Variants in RPAP3 observed in about 807,000 individuals in gnomAD.
RPAP3 encodes RNA polymerase II-associated protein 3.
A neutral mutation model predicts 88.8 loss-of-function variants in RPAP3; 58 were observed. The observed-to-expected ratio is 0.65, with a 90% CI of 0.53 to 0.81. The LOEUF (loss-of-function observed/expected upper bound fraction) is 0.81, where lower values mean the gene tolerates loss of function less well. Ranked by LOEUF, RPAP3 falls within the 40% of genes least tolerant of loss-of-function variation. The pLI is 0.00. For missense variants in RPAP3, 751 were observed against 764.3 expected (o/e 0.98, Z 0.20); for synonymous variants, 255 against 259.9 (o/e 0.98, Z 0.18).
chr12:47,686,960 A>T (rs1358185699), intron 8 of RPAP3, 53 bp from the exon 9 acceptor site: 3 of 1,096,922 alleles, frequency 2.7e-6, no homozygotes, highest in African/African-American at 3.2e-5. Flanking sequence ...CAAAAAAAAT[A>T]AATGAATTCA....
Position 47,667,855 on chromosome 12 carries a change from GAA to G in RPAP3, c.1714-6_1714-5del. ...GATACAAAGATGGTTCAATTTGCTT[GAA>G]AAAAAAATAAAAAGACAATTACTTG... On this transcript the variant is annotated splice_region_variant and splice_polypyrimidine_tract_variant and intron_variant, in intron 14 of 16. Transcript: ENST00000005386. 2.0e-6 allele frequency: 3 copies of G among 1,517,898 alleles called. No individual in the cohort carries two copies. The highest frequency in any genetic ancestry group is 2.7e-6 in the Non-Finnish European group (3 of 1,113,232). The allele number at this position is 1,517,898 out of a possible 1,614,324, so 94.0% of individuals were successfully genotyped here. A position where few individuals can be genotyped will look rare whatever the true frequency, so the allele number is the denominator to read the frequency against.
intron 6 of RPAP3, 141 bp from the exon 7 acceptor site, chr12:47,689,336 A>G (rs1409898276): frequency 9.9e-6 from 5 of 503,586 alleles, no homozygotes; most frequent in African/African-American, 4.0e-5. Context: ...TACTATCATT[A>G]GGCCACTGAA....
At position 47,706,020 on chromosome 12, in the gene RPAP3, G is replaced by C. The variant is rs1939793028; in HGVS notation, c.-75C>G. 1 of 152,654 alleles carries C rather than the reference G, an allele frequency of 6.6e-6. No individual in the cohort carries two copies. Among genetic ancestry groups the C allele is most frequent in the Non-Finnish European group, 1.5e-5 (1 of 68,344 alleles). The allele number at this position is 152,654 out of a possible 1,614,324, so 9.5% of individuals were successfully genotyped here. A position where few individuals can be genotyped will look rare whatever the true frequency, so the allele number is the denominator to read the frequency against. ...GCAGCGACTCACGCCGAGCCCGGCA[G>C]TGACTCACGCAAAGCCCCGCCTCCT... On this transcript the variant is annotated 5_prime_UTR_variant, in exon 1 of 17. Transcript: ENST00000005386.
chr12:47,686,849 CCT>C lies in RPAP3; in HGVS notation c.921_922del (p.Gly308AspfsTer7). The C allele has an allele frequency of 6.2e-7, 1 of 1,605,278 alleles. No individual in the cohort carries two copies. The highest frequency in any genetic ancestry group is 1.1e-5 in the South Asian group (1 of 90,034). On this transcript the variant is annotated frameshift_variant, in exon 9 of 17. Coordinates refer to ENST00000005386, the MANE Select transcript of RPAP3 (RefSeq NM_024604.3). LOFTEE classifies it high-confidence loss of function. The stretch of plus-strand genomic sequence containing the variant: ...GGCATTAGCACCATCTGCTGCTATC[CCT>C]CGAGTATAGCATTCAATTGCTCTTT...
intron 3 of RPAP3, among the ~76,000 whole-genome samples, chr12:47,697,989 G>A (rs1448338178): frequency 2.6e-5 from 4 of 151,992 alleles, no homozygotes; most frequent in Non-Finnish European, 5.9e-5. Flanking sequence ...CCTAAATCAC[G>A]AACTATTAGC....
At chr12:47,685,786 T>G (rs1346417440) in intron 9 of RPAP3, among the ~76,000 whole-genome samples, 1 of 152,076 alleles carries the variant, frequency 6.6e-6, no homozygotes, top group Non-Finnish European at 1.5e-5. Context: ...ATTTTAAATG[T>G]AGTTTCAAAT....
chr12:47,701,959 T>C (rs1939662239), intron 2 of RPAP3, among the ~76,000 whole-genome samples: 1 of 152,182 alleles, frequency 6.6e-6, no homozygotes, highest in Non-Finnish European at 1.5e-5. Flanking sequence ...CCATATTATG[T>C]ACAGTATGAA....
rs555953040 is a variant in RPAP3, at chr12:47,705,544, G to A, written c.-7+408C>T. On this transcript the variant is annotated intron_variant, in intron 1 of 16. Coordinates refer to ENST00000005386, the MANE Select transcript of RPAP3 (RefSeq NM_024604.3). ...TCTCCCAGGGACCCTGCGATGGGGC[G>A]GGGGTGCGAGCCAGCAATCAAAAAC... is the stretch of plus-strand genomic sequence containing the variant. Among the ~76,000 whole-genome samples the A allele has an allele frequency of 7.9e-5, 12 of 152,340 alleles. No individual in the cohort carries two copies. The South Asian group carries it at 2.5e-3, about 32-fold the overall frequency.
intron 6 of RPAP3, 89 bp downstream of exon 6, chr12:47,690,429 G>T: frequency 9.4e-7 from 1 of 1,058,876 alleles, no homozygotes; most frequent in Non-Finnish European, 1.3e-6. Context: ...GCTCTCTGAA[G>T]GTAGTAACTG....
chr12:47,689,681 T>C (rs1939391516), intron 6 of RPAP3, among the ~76,000 whole-genome samples: 1 of 152,048 alleles, frequency 6.6e-6, no homozygotes, highest in African/African-American at 2.4e-5. Context: ...GCAGACAAAA[T>C]CCTATGACAA....
Position 47,670,183 on chromosome 12 carries a change from C to G in RPAP3, c.1450G>C (p.Asp484His). 1 of 1,613,958 alleles carries G rather than the reference C, an allele frequency of 6.2e-7. No individual in the cohort carries two copies. Among genetic ancestry groups the G allele is most frequent in the Non-Finnish European group, 8.5e-7 (1 of 1,179,922 alleles). Residue 484 changes from aspartate (D) to histidine (H), a missense_variant, in exon 13 of 17, where the codon GAC becomes CAC. Physicochemically the swap from Asp to His is moderately conservative, Grantham distance 81. Transcript: ENST00000005386. ...GGAGTATCACTTGTGGGAAAAAGGT[C>G]ATCTTGGCTTGAATTCTTCTTACTT... ...TTSKKNSSQD[D>H]LFPTSDTPRA...
rs761391075 is a variant in RPAP3 at position 47,696,309 on chromosome 12, G to A, written c.512C>T (p.Thr171Met). The A allele has an allele frequency of 1.6e-5, 25 of 1,579,706 alleles. No homozygotes were observed. Among genetic ancestry groups the A allele is most frequent in the South Asian group, 3.6e-5 (3 of 84,086 alleles). Residue 171 changes from threonine (T) to methionine (M), a missense_variant, in exon 5 of 17, where the codon ACG (threonine) becomes ATG (methionine). Transcript: ENST00000005386. ...TCTAAAATATGCTGACGCTCTGTTC[G>A]TTGGCAACACGGGATTATATGGATC... ...DADPYNPVLPTNRASAYFRLK... is the reference protein window; with the variant it reads ...DADPYNPVLPMNRASAYFRLK...
At chr12:47,684,164 C>T (rs927795644) in intron 9 of RPAP3, among the ~76,000 whole-genome samples, 7 of 152,130 alleles carry the variant, frequency 4.6e-5, no homozygotes, top group Non-Finnish European at 8.8e-5. Flanking sequence ...ATCTACCAGC[C>T]TACATTCCAC....
At chr12:47,685,807 C>T (rs1345238452) in intron 9 of RPAP3, among the ~76,000 whole-genome samples, 1 of 151,042 alleles carries the variant, frequency 6.6e-6, no homozygotes, top group Non-Finnish European at 1.5e-5. Context: ...ACAGTACAAT[C>T]ACATGCAAAT....
chr12:47,696,092 A>G (rs1400035631), intron 5 of RPAP3, 184 bp downstream of exon 5: 1 of 416,910 alleles, frequency 2.4e-6, no homozygotes, highest in African/African-American at 2.0e-5. Context: ...TTAGCACCAG[A>G]TGTTTAAAAT....
intron 16 of RPAP3, among the ~76,000 whole-genome samples, chr12:47,664,377 G>A (rs1011907989): frequency 4.6e-5 from 7 of 151,984 alleles, no homozygotes; most frequent in South Asian, 4.1e-4. Flanking sequence ...GCGACAGAGC[G>A]AGACTCCATC....
intron 5 of RPAP3, among the ~76,000 whole-genome samples, chr12:47,693,441 T>C (rs1234336787): frequency 2.0e-5 from 3 of 152,140 alleles, no homozygotes; most frequent in Non-Finnish European, 4.4e-5. Context: ...AAACGTGACA[T>C]AGAGACACAA....
At chr12:47,702,632 G>T (rs1290795387) in intron 2 of RPAP3, 56 bp downstream of exon 2, 2 of 1,336,330 alleles carry the variant, frequency 1.5e-6, no homozygotes, top group Non-Finnish European at 2.1e-6. Context: ...TAAAAGTTAT[G>T]CTTTATTTTT....
intron 12 of RPAP3, among the ~76,000 whole-genome samples, chr12:47,674,626 TA>T (rs1256902633): frequency 6.6e-6 from 1 of 152,072 alleles, no homozygotes; most frequent in Non-Finnish European, 1.5e-5. Context: ...GCTGATTCGA[TA>T]AAGTGGAAGA....
Sources: gnomAD v4.1 joint callset for allele counts (sites outside exome capture counted in the v4.1 genomes callset) on GRCh38, gnomAD v4.1.1 for gene constraint, MANE v1.5 for transcripts, NCBI Gene and HGNC (gene_info 2026-07-23, HGNC 2026-07-21) for gene names.